The following NLN variants were observed in gnomAD, a reference collection of about 807,000 sequenced individuals.
NLN encodes neurolysin, mitochondrial.
Under a neutral mutation model 79.9 loss-of-function variants are expected in NLN, and 64 were observed. That is an observed-to-expected ratio of 0.80 (90% confidence interval 0.65 to 0.99). NLN has a LOEUF of 0.99. Ranked by LOEUF, NLN falls within the 50% of genes least tolerant of loss-of-function variation. The pLI is 0.00. For synonymous variants in NLN, 267 were observed against 296.6 expected (o/e 0.90, Z 1.02); for missense variants, 835 against 858.7 (o/e 0.97, Z 0.34).
At chr5:65,788,063 G>A (rs1759973554) in intron 7 of NLN, 55 bp from the exon 8 acceptor site, 2 of 1,550,716 alleles carry the variant, frequency 1.3e-6, no homozygotes, top group Non-Finnish European at 1.7e-6. Context: ...TGGTATTTAT[G>A]AGTATGCTTG....
At chr5:65,778,199 T>A (rs1423895708) in intron 4 of NLN, among the ~76,000 whole-genome samples, 2 of 152,200 alleles carry the variant, frequency 1.3e-5, no homozygotes, top group Admixed American at 1.3e-4. Flanking sequence ...AGAGATTAGC[T>A]GCTGAAAGAT....
chr5:65,766,794 G>A (rs1388032886), intron 3 of NLN, among the ~76,000 whole-genome samples: 2 of 152,250 alleles, frequency 1.3e-5, no homozygotes, highest in African/African-American at 4.8e-5. Context: ...TACAGGCGTT[G>A]GGTAAATGTT....
intron 1 of NLN, among the ~76,000 whole-genome samples, chr5:65,753,514 G>T (rs1759147914): frequency 6.6e-6 from 1 of 152,018 alleles, no homozygotes; most frequent in Admixed American, 6.6e-5. Context: ...GTCAGGCATG[G>T]TGGCACAAGC....
intron 1 of NLN, among the ~76,000 whole-genome samples, chr5:65,737,312 A>G (rs189522765): frequency 6.8e-4 from 103 of 152,236 alleles, no homozygotes; most frequent in Non-Finnish European, 1.3e-3. Flanking sequence ...AAATGGTAAC[A>G]TCATCTTAGC....
intron 3 of NLN, among the ~76,000 whole-genome samples, chr5:65,776,026 G>A (rs1425510739): frequency 3.3e-5 from 5 of 152,226 alleles, no homozygotes; most frequent in African/African-American, 7.2e-5. Context: ...GCCGAGGCAG[G>A]TGGATCACTT....
At chr5:65,804,960 G>T (rs952372589) in intron 9 of NLN, among the ~76,000 whole-genome samples, 1 of 152,150 alleles carries the variant, frequency 6.6e-6, no homozygotes, top group African/African-American at 2.4e-5. Flanking sequence ...AACAGAATGT[G>T]CTCCCTTCAT....
At chr5:65,805,346 A>C (rs564333576) in intron 9 of NLN, among the ~76,000 whole-genome samples, 9 of 152,374 alleles carry the variant, frequency 5.9e-5, no homozygotes, top group African/African-American at 1.9e-4. Flanking sequence ...AAAAGATGAG[A>C]TAGGCCTCTT....
chr5:65,796,521 C>T (rs1397758551), intron 9 of NLN, among the ~76,000 whole-genome samples: 2 of 152,196 alleles, frequency 1.3e-5, no homozygotes, highest in Non-Finnish European at 2.9e-5. Flanking sequence ...CATCCATGAG[C>T]ACAAATGTGT....
chr5:65,828,887 G>A lies in NLN; in HGVS notation c.*5972G>A, dbSNP rs2150783298. The A allele has an allele frequency of 6.6e-6, 1 of 152,298 alleles. No homozygotes were observed. Among genetic ancestry groups the A allele is most frequent in the South Asian group, 2.1e-4 (1 of 4,832 alleles). 9.4% of individuals were successfully genotyped at this position (152,298 alleles called of 1,614,324 possible). A position where few individuals can be genotyped will look rare whatever the true frequency, so the allele number is the denominator to read the frequency against. ...GGCTCCCCCATACTGTAGGAATATT[G>A]TTTATGGCTTAAGGTTGCCTCGCTC... On this transcript the variant is annotated 3_prime_UTR_variant, in exon 13 of 13. Coordinates refer to ENST00000380985, the MANE Select transcript of NLN (RefSeq NM_020726.5).
At chr5:65,767,725 A>G (rs916688142) in intron 3 of NLN, among the ~76,000 whole-genome samples, 7 of 152,228 alleles carry the variant, frequency 4.6e-5, no homozygotes, top group African/African-American at 1.4e-4. Context: ...TCCTTTAAAC[A>G]TAAGTCCCGA....
intron 12 of NLN, among the ~76,000 whole-genome samples, chr5:65,819,980 A>C (rs1760758628): frequency 6.6e-6 from 1 of 152,198 alleles, no homozygotes. Context: ...ACTTGTTTGG[A>C]GCCATAGGCA....
chr5:65,776,632 A>C (rs1279651569), intron 3 of NLN, among the ~76,000 whole-genome samples: 1 of 152,074 alleles, frequency 6.6e-6, no homozygotes, highest in African/African-American at 2.4e-5. Flanking sequence ...CTAACTACCC[A>C]GCCATCCAGA....
At chr5:65,769,654 A>G (rs892412088) in intron 3 of NLN, among the ~76,000 whole-genome samples, 6 of 152,224 alleles carry the variant, frequency 3.9e-5, no homozygotes, top group Non-Finnish European at 7.3e-5. Flanking sequence ...CTCCCAGTGT[A>G]TGACTACTAA....
At chr5:65,731,179 C>T (rs1758597327) in intron 1 of NLN, among the ~76,000 whole-genome samples, 1 of 152,198 alleles carries the variant, frequency 6.6e-6, no homozygotes, top group Non-Finnish European at 1.5e-5. Context: ...CAAGAAGCCA[C>T]CTCTGGCTTG....
intron 9 of NLN, among the ~76,000 whole-genome samples, chr5:65,808,270 T>C (rs929048276): frequency 1.3e-5 from 2 of 152,214 alleles, no homozygotes; most frequent in African/African-American, 4.8e-5. Context: ...GCCTCTGCCC[T>C]GGGCCAAAAA....
intron 1 of NLN, 70 bp downstream of exon 1, chr5:65,722,484 C>G: frequency 7.3e-7 from 1 of 1,371,088 alleles, no homozygotes; most frequent in East Asian, 2.7e-5. Context: ...GTGCCTGGAG[C>G]CCGGACCCAC....
chr5:65,810,026 T>C lies in NLN; in HGVS notation c.1715-11T>C. 1 of 1,613,064 alleles carries C rather than the reference T, an allele frequency of 6.2e-7. No homozygotes were observed. On this transcript the variant is annotated splice_polypyrimidine_tract_variant and intron_variant, in intron 10 of 12. Transcript: ENST00000380985. ...TCTTCAAAACATGCCCAAACATTCT[T>C]ATGTTATTAGGTCTTCTGACCCTGC...
chr5:65,810,486 T>A (rs547986057), intron 11 of NLN, among the ~76,000 whole-genome samples: 32 of 152,346 alleles, frequency 2.1e-4, no homozygotes, highest in Admixed American at 1.8e-3. Flanking sequence ...ATGACTTCCC[T>A]GTGATTTTCA....
chr5:65,784,962 A>G (rs1249298444), intron 6 of NLN, among the ~76,000 whole-genome samples: 1 of 152,198 alleles, frequency 6.6e-6, no homozygotes, highest in African/African-American at 2.4e-5. Flanking sequence ...TTCACTTAGC[A>G]TACCTTAAAG....
Sources: gnomAD v4.1 joint callset for allele counts (sites outside exome capture counted in the v4.1 genomes callset) on GRCh38, gnomAD v4.1.1 for gene constraint, MANE v1.5 for transcripts, NCBI Gene and HGNC (gene_info 2026-07-23, HGNC 2026-07-21) for gene names.